Variants in JAZF1 observed in about 807,000 individuals in gnomAD.
JAZF1 encodes the protein juxtaposed with another zinc finger protein 1.
Under a neutral mutation model 26.4 loss-of-function variants are expected in JAZF1, and 8 were observed. The observed-to-expected ratio is 0.30, with a 90% CI of 0.18 to 0.55. The LOEUF is 0.55. JAZF1 is among the 20% of genes least tolerant of loss of function. JAZF1 has a pLI of 0.94. For synonymous variants in JAZF1, 126 were observed against 122.3 expected, an observed-to-expected ratio of 1.03 and a Z score of -0.20; for missense variants, 199 against 322.0, an observed-to-expected ratio of 0.62 and a Z score of 2.92.
At chr7:27,981,609 T>C (rs1401409165) in intron 2 of JAZF1, among the ~76,000 whole-genome samples, 1 of 152,248 alleles carries the variant, frequency 6.6e-6, no homozygotes, top group Non-Finnish European at 1.5e-5. Flanking sequence ...TATAAAATGA[T>C]CTGAAAAATA....
intron 1 of JAZF1, among the ~76,000 whole-genome samples, chr7:28,137,338 G>A (rs921208006): frequency 1.3e-5 from 2 of 152,140 alleles, no homozygotes; most frequent in Non-Finnish European, 2.9e-5. Context: ...CCAGAGGCAC[G>A]GAGACCAGTC....
chr7:28,011,804 C>T (rs1981574), intron 1 of JAZF1, among the ~76,000 whole-genome samples: 151,244 of 152,330 alleles, frequency 0.99, 75,084 homozygotes, highest in Middle Eastern at 1. Context: ...TTCTTCTCAA[C>T]GCCCTTTTAT....
At chr7:28,119,793 G>C (rs966758357) in intron 1 of JAZF1, among the ~76,000 whole-genome samples, 20 of 152,206 alleles carry the variant, frequency 1.3e-4, no homozygotes, top group African/African-American at 4.8e-4. Context: ...TGGGCATTTG[G>C]GACATATCAA....
chr7:27,975,137 G>A (rs79984796), intron 2 of JAZF1, among the ~76,000 whole-genome samples: 3 of 151,934 alleles, frequency 2.0e-5, no homozygotes, highest in Non-Finnish European at 2.9e-5. Context: ...CACCTGCCTC[G>A]GCCTCCCAAA....
intron 1 of JAZF1, among the ~76,000 whole-genome samples, chr7:28,011,157 G>C (rs1357303894): frequency 6.6e-6 from 1 of 152,178 alleles, no homozygotes; most frequent in Non-Finnish European, 1.5e-5. Flanking sequence ...CATTAATCAA[G>C]TCAACAGACA....
intron 1 of JAZF1, among the ~76,000 whole-genome samples, chr7:28,016,963 A>G (rs1027627146): frequency 8.5e-5 from 13 of 152,214 alleles, no homozygotes; most frequent in African/African-American, 2.9e-4. Context: ...TATGTGTACT[A>G]TGTCAGATGG....
At chr7:27,910,954 CCTT>C (rs1289157051) in intron 2 of JAZF1, among the ~76,000 whole-genome samples, 5 of 152,306 alleles carry the variant, frequency 3.3e-5, no homozygotes, top group East Asian at 1.9e-4. Context: ...TGGAGATTTT[CCTT>C]CTGTTATTGT....
chr7:28,052,539 T>TA lies in JAZF1; in HGVS notation c.116-60559dup, dbSNP rs199905065. On this transcript the variant is annotated intron_variant, in intron 1 of 4. Transcript: ENST00000283928. ...TACAAGTGGCTTCTCCAGCAATGCA[T>TA]AAAAAAGATGAAGCCATCTGGCACA... Among the ~76,000 whole-genome samples, 488 of 152,206 alleles carry TA rather than the reference T, an allele frequency of 3.2e-3. 5 individuals are homozygous for TA. Among genetic ancestry groups the TA allele is most frequent in the African/African-American group, 0.011 (471 of 41,544 alleles).
chr7:27,973,383 G>C (rs1785413136), intron 2 of JAZF1, among the ~76,000 whole-genome samples: 1 of 151,996 alleles, frequency 6.6e-6, no homozygotes. Flanking sequence ...TTGCAATCTT[G>C]ACCTTCTGGG....
At chr7:27,984,117 A>C (rs1785645811) in intron 2 of JAZF1, among the ~76,000 whole-genome samples, 1 of 152,248 alleles carries the variant, frequency 6.6e-6, no homozygotes, top group Non-Finnish European at 1.5e-5. Flanking sequence ...CCTTAAATGT[A>C]AATGGGCTAA....
intron 2 of JAZF1, among the ~76,000 whole-genome samples, chr7:27,980,450 G>A (rs141498845): frequency 0.016 from 2,418 of 152,052 alleles, 32 homozygotes; most frequent in Non-Finnish European, 0.024. Flanking sequence ...TTTTAAATAG[G>A]TATATAAAGG....
At chr7:28,089,454 T>A (rs1010320992) in intron 1 of JAZF1, among the ~76,000 whole-genome samples, 1 of 152,142 alleles carries the variant, frequency 6.6e-6, no homozygotes, top group African/African-American at 2.4e-5. Flanking sequence ...AAAACAGAAA[T>A]TGGTACTGGG....
At chr7:27,838,952 T>C (rs1583423454) in intron 4 of JAZF1, among the ~76,000 whole-genome samples, 1 of 152,102 alleles carries the variant, frequency 6.6e-6, no homozygotes, top group Admixed American at 6.5e-5. Context: ...TCAGTGGCCT[T>C]GGGTGGAGAG....
intron 2 of JAZF1, among the ~76,000 whole-genome samples, chr7:27,900,475 CAT>C (rs1231302144): frequency 1.3e-5 from 2 of 152,138 alleles, no homozygotes; most frequent in Non-Finnish European, 2.9e-5. Flanking sequence ...TGTTCAGTAA[CAT>C]GTGGGTAGCT....
intron 1 of JAZF1, among the ~76,000 whole-genome samples, chr7:28,021,102 G>A (rs986837193): frequency 9.2e-5 from 14 of 152,152 alleles, no homozygotes; most frequent in Non-Finnish European, 1.3e-4. Context: ...AGGGCCCACG[G>A]TCCAACAAGG....
intron 1 of JAZF1, among the ~76,000 whole-genome samples, chr7:28,052,819 CT>C (rs369888517): frequency 0.17 from 24,225 of 146,272 alleles, 2,060 homozygotes; most frequent in South Asian, 0.25. Flanking sequence ...TGGATACTGG[CT>C]TTTTTTTTTT....
intron 1 of JAZF1, among the ~76,000 whole-genome samples, chr7:28,150,547 T>C (rs531699939): frequency 2.2e-3 from 336 of 152,366 alleles, no homozygotes; most frequent in African/African-American, 7.8e-3. Flanking sequence ...GTGTCTATGT[T>C]TTTTTCTCAT....
chr7:28,056,744 C>T (rs1489210569), intron 1 of JAZF1, among the ~76,000 whole-genome samples: 1 of 67,248 alleles, frequency 1.5e-5, no homozygotes, highest in African/African-American at 8.7e-5. Context: ...TTCATCCTAA[C>T]AATTCCTGAT....
At chr7:28,092,774 C>A (rs1410175449) in intron 1 of JAZF1, among the ~76,000 whole-genome samples, 1 of 151,620 alleles carries the variant, frequency 6.6e-6, no homozygotes, top group Admixed American at 6.6e-5. Context: ...GTGGGAGGAT[C>A]ACCTGGGCCT....
Sources: allele counts gnomAD v4.1 joint callset (sites outside exome capture counted in the v4.1 genomes callset), GRCh38; gene constraint gnomAD v4.1.1; transcripts MANE v1.5; gene names NCBI Gene and HGNC (gene_info 2026-07-23, HGNC 2026-07-21).